Variants in COL4A4 observed in about 807,000 individuals in gnomAD.
The protein encoded by COL4A4 is collagen type IV alpha 4 chain, also known as collagen alpha-4(IV) chain.
A neutral mutation model predicts 192.9 loss-of-function variants in COL4A4; 105 were observed. The ratio of observed to expected loss-of-function variants is 0.54; its 90% CI spans 0.46 to 0.64. The LOEUF (loss-of-function observed/expected upper bound fraction) is 0.64, where lower values mean the gene tolerates loss of function less well. Among genes scored for constraint, COL4A4 ranks in the 30% least tolerant of loss-of-function variants. COL4A4 has a pLI of 0.00. For synonymous variants in COL4A4, 762 were observed against 769.9 expected, an observed-to-expected ratio of 0.99 and a Z score of 0.17; for missense variants, 1,967 against 2,169.3, an observed-to-expected ratio of 0.91 and a Z score of 1.85.
intron 34 of COL4A4, among the ~76,000 whole-genome samples, chr2:227,048,347 T>C (rs927013154): frequency 2.0e-5 from 3 of 152,220 alleles, no homozygotes; most frequent in African/African-American, 7.2e-5. Context: ...GGTGGGATTC[T>C]GGCCCATTCC....
rs1023661903 is a variant in COL4A4, at chr2:227,103,734, G to A, written c.816+238C>T. ...ATTAACAAGCACATGTCATAATTTA[G>A]CAGCCTGAGCTAGGTCTGCCACTCA... is the stretch of plus-strand genomic sequence containing the variant. On this transcript the variant is annotated intron_variant, in intron 13 of 47. Transcript: ENST00000396625. 2.0e-5 allele frequency among the ~76,000 whole-genome samples: 3 copies of A among 152,182 alleles called. 1 individual carries two copies. Among genetic ancestry groups the A allele is most frequent in the Non-Finnish European group, 4.4e-5 (3 of 68,036 alleles).
intron 2 of COL4A4, among the ~76,000 whole-genome samples, chr2:227,146,539 G>T (rs1220405007): frequency 6.6e-6 from 1 of 152,078 alleles, no homozygotes; most frequent in Admixed American, 6.6e-5. Context: ...TCCTATTGCT[G>T]CTGTCACACG....
the COL4A4 span, among the ~76,000 whole-genome samples, chr2:226,980,049 A>T: frequency 6.6e-6 from 1 of 152,168 alleles, no homozygotes; most frequent in Non-Finnish European, 1.5e-5. Context: ...CCAGAGGGAT[A>T]GTGGGGGCAT....
At chr2:227,155,740 C>T (rs2064286803) in intron 1 of COL4A4, among the ~76,000 whole-genome samples, 1 of 152,106 alleles carries the variant, frequency 6.6e-6, no homozygotes, top group African/African-American at 2.4e-5. Context: ...ACTGCCCCTA[C>T]ATGGAAACCA....
At chr2:227,020,225 G>T (rs1414475993) in intron 44 of COL4A4, among the ~76,000 whole-genome samples, 1 of 150,732 alleles carries the variant, frequency 6.6e-6, no homozygotes, top group Non-Finnish European at 1.5e-5. Flanking sequence ...AAGTTGGAGG[G>T]ACCCAGCTCT....
chr2:227,093,819 C>A (rs1280502504), intron 20 of COL4A4, among the ~76,000 whole-genome samples: 1 of 152,078 alleles, frequency 6.6e-6, no homozygotes, highest in African/African-American at 2.4e-5. Flanking sequence ...GCAAAATAAA[C>A]CCACCGGGCA....
At chr2:227,118,265 G>T (rs1230952028) in intron 7 of COL4A4, among the ~76,000 whole-genome samples, 1 of 152,118 alleles carries the variant, frequency 6.6e-6, no homozygotes, top group African/African-American at 2.4e-5. Context: ...GTTTGTTTCT[G>T]CAATTAACCC....
intron 30 of COL4A4, 116 bp from the exon 31 acceptor site, chr2:227,054,853 G>T: frequency 1.7e-6 from 2 of 1,157,588 alleles, no homozygotes; most frequent in African/African-American, 1.5e-5. Context: ...GCAGTGGCAC[G>T]ATCTCGGCTC....
At chr2:227,083,549 C>A (rs992416136) in intron 22 of COL4A4, among the ~76,000 whole-genome samples, 1 of 152,160 alleles carries the variant, frequency 6.6e-6, no homozygotes, top group African/African-American at 2.4e-5. Context: ...TGGGCTCAAG[C>A]AATCCTCCTA....
chr2:227,109,158 G>A (rs776315722), intron 10 of COL4A4, 66 bp downstream of exon 10: 3 of 1,476,780 alleles, frequency 2.0e-6, no homozygotes, highest in East Asian at 2.3e-5. Flanking sequence ...AAATGGCAAT[G>A]TTGCTTCTTT....
chr2:226,996,886 C>T, the COL4A4 span: 2 of 152,284 alleles, frequency 1.3e-5, no homozygotes, highest in African/African-American at 4.8e-5. Flanking sequence ...AGAAAATTCA[C>T]AATATAAACA....
chr2:227,089,479 CA>C (rs1320091572), intron 21 of COL4A4, among the ~76,000 whole-genome samples: 1 of 151,232 alleles, frequency 6.6e-6, no homozygotes, highest in Non-Finnish European at 1.5e-5. Context: ...ATAGGTCCCA[CA>C]AAAATCAAAC....
chr2:227,060,125 ACCT>A lies in COL4A4; in HGVS notation c.2164+8_2164+10del. The A allele has an allele frequency of 1.7e-5, 25 of 1,435,946 alleles. No individual in the cohort carries two copies. Among genetic ancestry groups the A allele is most frequent in the East Asian group, 4.5e-5 (2 of 43,990 alleles). 89.0% of individuals were successfully genotyped at this position (1,435,946 alleles called of 1,614,324 possible). A position where few individuals can be genotyped will look rare whatever the true frequency, so the allele number is the denominator to read the frequency against. On this transcript the variant is annotated splice_region_variant and intron_variant, in intron 27 of 47. Coordinates refer to ENST00000396625, the MANE Select transcript of COL4A4 (RefSeq NM_000092.5). The stretch of plus-strand genomic sequence containing the variant: ...AGAAAAAAAAAAAAAAAAAAAAAAA[ACCT>A]CACTGACCAGGTGGACCTGGTATTT...
chr2:227,070,532 T>C (rs1253869043), intron 25 of COL4A4, among the ~76,000 whole-genome samples: 3 of 152,068 alleles, frequency 2.0e-5, no homozygotes, highest in Non-Finnish European at 4.4e-5. Flanking sequence ...TGGAATACTA[T>C]GCAGCCATAA....
chr2:227,113,177 C>A (rs6743614), intron 8 of COL4A4, among the ~76,000 whole-genome samples: 114,065 of 152,094 alleles, frequency 0.75, 43,893 homozygotes, highest in African/African-American at 0.94. Context: ...CATTCCCACC[C>A]GTAATGCATA....
At chr2:227,010,870 G>A (rs1963537291) in intron 45 of COL4A4, among the ~76,000 whole-genome samples, 1 of 152,208 alleles carries the variant, frequency 6.6e-6, no homozygotes, top group African/African-American at 2.4e-5. Flanking sequence ...AACAAGGACA[G>A]TGTAATGACA....
At chr2:226,977,501 A>G in the COL4A4 span, among the ~76,000 whole-genome samples, 5 of 152,196 alleles carry the variant, frequency 3.3e-5, no homozygotes, top group Non-Finnish European at 5.9e-5. Flanking sequence ...AAAGTTCACA[A>G]TGCAGCAATT....
At chr2:227,101,199 T>TGA (rs2060501310) in intron 17 of COL4A4, among the ~76,000 whole-genome samples, 3 of 152,182 alleles carry the variant, frequency 2.0e-5, no homozygotes, top group Non-Finnish European at 2.9e-5. Context: ...TCTCTTTGCC[T>TGA]GCTGCCATCC....
chr2:227,083,126 G>A lies in COL4A4; in HGVS notation c.1624-939C>T, dbSNP rs141695481. ...CACCTGTAGTCATAGCTACTTGGGAGGCTGAGGCATAAGAATCACTTGAAC... is the reference window on the plus strand; with the variant it reads ...CACCTGTAGTCATAGCTACTTGGGAAGCTGAGGCATAAGAATCACTTGAAC... On this transcript the variant is annotated intron_variant, in intron 22 of 47. Transcript: ENST00000396625. Among the ~76,000 whole-genome samples the A allele has an allele frequency of 1.2e-3, 183 of 152,310 alleles. 2 individuals carry two copies. Among genetic ancestry groups the A allele is most frequent in the African/African-American group, 4.1e-3 (170 of 41,570 alleles).
Sources: gnomAD v4.1 joint callset for allele counts (sites outside exome capture counted in the v4.1 genomes callset) on GRCh38, gnomAD v4.1.1 for gene constraint, MANE v1.5 for transcripts, NCBI Gene and HGNC (gene_info 2026-07-23, HGNC 2026-07-21) for gene names.